The following TTC7B variants were observed in gnomAD, a reference collection of about 807,000 sequenced individuals.
TTC7B encodes tetratricopeptide repeat domain 7B.
A neutral mutation model predicts 106.8 loss-of-function variants in TTC7B; 28 were observed. That is an observed-to-expected ratio of 0.26 (90% confidence interval 0.19 to 0.36). The LOEUF (loss-of-function observed/expected upper bound fraction) is 0.36. Among genes scored for constraint, TTC7B ranks in the 10% least tolerant of loss-of-function variants. The pLI, the probability that TTC7B is intolerant of heterozygous loss-of-function variation, is 1.00. For missense variants in TTC7B, 862 were observed against 1,076.4 expected, an observed-to-expected ratio of 0.80 and a Z score of 2.79; for synonymous variants, 405 against 430.6, an observed-to-expected ratio of 0.94 and a Z score of 0.74.
intron 1 of TTC7B, among the ~76,000 whole-genome samples, chr14:90,788,384 C>T (rs914215983): frequency 6.6e-6 from 1 of 152,062 alleles, no homozygotes; most frequent in South Asian, 2.1e-4. Flanking sequence ...GACTCAGGAA[C>T]GAAGGACATG....
At chr14:90,567,597 C>G (rs1890852410) in intron 19 of TTC7B, 2 of 152,250 alleles carry the variant, frequency 1.3e-5, no homozygotes, top group Non-Finnish European at 2.9e-5. Context: ...ATCCCCACCC[C>G]CATCTCAAGA....
chr14:90,802,565 G>A lies in TTC7B; in HGVS notation c.121+13610C>T, dbSNP rs1390436157. Among the ~76,000 whole-genome samples the A allele has an allele frequency of 1.3e-5, 2 of 152,194 alleles. No homozygotes were observed. Among genetic ancestry groups the A allele is most frequent in the African/African-American group, 4.8e-5 (2 of 41,452 alleles). On this transcript the variant is annotated intron_variant, in intron 1 of 19. Coordinates refer to ENST00000328459, the MANE Select transcript of TTC7B (RefSeq NM_001010854.2). The surrounding 1 kb of genome is among the most constrained non-coding windows in gnomAD (Gnocchi z 4.7). ...TTTTATTTCCTCAGTAAAGTATGAG[G>A]CAAGGTCATGAGCTAGGCATGAGAG...
chr14:90,595,830 C>T (rs958357801), intron 17 of TTC7B, among the ~76,000 whole-genome samples: 6 of 152,110 alleles, frequency 3.9e-5, no homozygotes, highest in African/African-American at 1.2e-4. Flanking sequence ...TCCAATGTGC[C>T]GCTAAGACTG....
At chr14:90,562,963 T>G (rs1797650725) in intron 19 of TTC7B, among the ~76,000 whole-genome samples, 1 of 152,110 alleles carries the variant, frequency 6.6e-6, no homozygotes, top group Non-Finnish European at 1.5e-5. Flanking sequence ...CCCCAACCCC[T>G]GCCGCACCAT....
chr14:90,608,377 C>T lies in TTC7B; in HGVS notation c.1966+2365G>A, dbSNP rs1007307059. ...GTGCAAATCAGTATTTTGCAGCTGC[C>T]TGGTTGGGTCGGGGGTGGTGTAGGG... On this transcript the variant is annotated intron_variant, in intron 17 of 19. Transcript: ENST00000328459. This position sits in a 1 kb window ranked among gnomAD's most constrained non-coding sequence, Gnocchi z 5.1. 6.6e-6 allele frequency among the ~76,000 whole-genome samples: 1 copy of T among 152,078 alleles called. No individual in the cohort carries two copies. Among genetic ancestry groups the T allele is most frequent in the Non-Finnish European group, 1.5e-5 (1 of 68,008 alleles).
At chr14:90,717,237 G>A (rs1420821046) in intron 5 of TTC7B, among the ~76,000 whole-genome samples, 1 of 151,962 alleles carries the variant, frequency 6.6e-6, no homozygotes, top group East Asian at 1.9e-4. Context: ...TACTCAGGAG[G>A]CTGAGGCAGG....
chr14:90,630,714 C>T (rs994042311), intron 15 of TTC7B, among the ~76,000 whole-genome samples: 12 of 152,320 alleles, frequency 7.9e-5, no homozygotes, highest in Admixed American at 2.0e-4. Flanking sequence ...ACTCCACGTA[C>T]CTCATATGAG....
intron 17 of TTC7B, among the ~76,000 whole-genome samples, chr14:90,606,933 A>G (rs78742495): frequency 0.015 from 2,331 of 152,300 alleles, 71 homozygotes; most frequent in African/African-American, 0.053. Flanking sequence ...AGGATATATA[A>G]TAATAGTATT....
Position 90,786,080 on chromosome 14 carries a change from G to A in TTC7B, c.276+94C>T, listed in dbSNP as rs187522439. The A allele has an allele frequency of 2.1e-4, 294 of 1,381,650 alleles. No homozygotes were observed. In the African/African-American group the frequency reaches 4.1e-3, roughly 19 times the overall value. The allele number at this position is 1,381,650 out of a possible 1,614,324, so 85.6% of individuals were successfully genotyped here. A position where few individuals can be genotyped will look rare whatever the true frequency, so the allele number is the denominator to read the frequency against. On this transcript the variant is annotated intron_variant, in intron 2 of 19. Transcript: ENST00000328459. ...AGACAAGCCCTGGCAGTGTGCAGGTGAGCTCCAAACGTCACCCGGCTCAAC... is the reference window on the plus strand; with the variant it reads ...AGACAAGCCCTGGCAGTGTGCAGGTAAGCTCCAAACGTCACCCGGCTCAAC...
chr14:90,662,243 T>C (rs541205765), intron 9 of TTC7B, among the ~76,000 whole-genome samples: 1 of 152,238 alleles, frequency 6.6e-6, no homozygotes, highest in Admixed American at 6.5e-5. Context: ...AATCTGCAGG[T>C]AGGGAGGCAG....
intron 6 of TTC7B, among the ~76,000 whole-genome samples, chr14:90,690,361 A>G (rs1257151905): frequency 6.6e-6 from 1 of 152,228 alleles, no homozygotes; most frequent in African/African-American, 2.4e-5. Context: ...TTAAAGCTGG[A>G]TGGGTATCCC....
At chr14:90,605,250 G>A (rs1393847099) in intron 17 of TTC7B, among the ~76,000 whole-genome samples, 5 of 152,118 alleles carry the variant, frequency 3.3e-5, no homozygotes, top group East Asian at 3.8e-4. Flanking sequence ...GAGTTTTTGC[G>A]CAAAATGTCG....
In TTC7B at chr14:90,576,656, C is replaced by T. The variant is rs568482945; in HGVS notation, c.2310+1450G>A. ...GTGCCTAAAGGTTAAGTGACAAGTC[C>T]GAGCTTCCCCAGGAGTCAGGACCAG... On this transcript the variant is annotated intron_variant, in intron 19 of 19. Coordinates refer to ENST00000328459, the MANE Select transcript of TTC7B (RefSeq NM_001010854.2). Among the ~76,000 whole-genome samples the T allele has an allele frequency of 2.0e-5, 3 of 152,296 alleles. No homozygotes were observed. In the South Asian group the frequency reaches 6.2e-4, roughly 32 times the overall value.
In TTC7B at chr14:90,570,793, T is replaced by TAAC. The variant is rs956222754; in HGVS notation, c.2310+7310_2310+7312dup. 1.8e-4 allele frequency among the ~76,000 whole-genome samples: 28 copies of TAAC among 152,168 alleles called. No individual in the cohort carries two copies. The highest frequency in any genetic ancestry group is 6.5e-4 in the African/African-American group (27 of 41,430). Reference sequence around the variant, plus strand: ...ATTTGCGGAGTGTGAGGCACCCTGCTAACTCATTTAACCCGCACAGCAACA... The same window carrying TAAC: ...ATTTGCGGAGTGTGAGGCACCCTGCTAACAACTCATTTAACCCGCACAGCAACA... On this transcript the variant is annotated intron_variant, in intron 19 of 19. Transcript: ENST00000328459. This position sits in a 1 kb window ranked among gnomAD's most constrained non-coding sequence, Gnocchi z 4.0.
chr14:90,762,303 A>G lies in TTC7B; in HGVS notation c.446-17381T>C, dbSNP rs375323950. 5.3e-5 allele frequency among the ~76,000 whole-genome samples: 8 copies of G among 152,352 alleles called. No individual in the cohort carries two copies. In the East Asian group the frequency reaches 1.5e-3, roughly 29 times the overall value. On this transcript the variant is annotated intron_variant, in intron 3 of 19. Transcript: ENST00000328459. ...TATCTGTCTCTTCCAATTTCCTACC[A>G]GTGCCTCTGCTTGACCAAACCCAGG...
At chr14:90,541,664 G>T in intron 19 of TTC7B, 75 bp from the exon 20 acceptor site, 1 of 1,241,696 alleles carries the variant, frequency 8.1e-7, no homozygotes, top group Non-Finnish European at 1.1e-6. Flanking sequence ...TTGTCCTCGA[G>T]TTTCCAGTCA....
chr14:90,648,226 G>C (rs779491093), intron 13 of TTC7B: 9 of 152,212 alleles, frequency 5.9e-5, no homozygotes, highest in Non-Finnish European at 1.0e-4. Context: ...AAAGCACATA[G>C]ACTTCCATTC....
intron 9 of TTC7B, among the ~76,000 whole-genome samples, chr14:90,664,554 G>A (rs1886336102): frequency 6.6e-6 from 1 of 152,154 alleles, no homozygotes; most frequent in Non-Finnish European, 1.5e-5. Flanking sequence ...TACAGGCTTG[G>A]GCCACCATAC....
chr14:90,621,386 G>A (rs1289920322), intron 15 of TTC7B, among the ~76,000 whole-genome samples: 2 of 152,088 alleles, frequency 1.3e-5, no homozygotes, highest in Non-Finnish European at 2.9e-5. Flanking sequence ...GGGTACGGCC[G>A]GGACGATGGG....
Sources: gnomAD v4.1 joint callset for allele counts (sites outside exome capture counted in the v4.1 genomes callset) on GRCh38, gnomAD v4.1.1 for gene constraint, Gnocchi (gnomAD v3.1) non-coding constraint, MANE v1.5 for transcripts, NCBI Gene and HGNC (gene_info 2026-07-23, HGNC 2026-07-21) for gene names.